CEBPZ: variants seen among roughly 807,000 people sequenced by gnomAD.
The protein encoded by CEBPZ is CCAAT/enhancer-binding protein zeta.
CEBPZ carries 78 observed loss-of-function variants against 104.5 expected under a neutral mutation model. That is an observed-to-expected ratio of 0.75 (90% CI 0.62 to 0.90). The LOEUF (loss-of-function observed/expected upper bound fraction) is 0.90, where lower values mean the gene tolerates loss of function less well. CEBPZ is among the 40% of genes least tolerant of loss of function. CEBPZ has a pLI of 0.00. For synonymous variants in CEBPZ, 470 were observed against 427.0 expected (o/e 1.10, Z -1.24); for missense variants, 1,439 against 1,233.5 (o/e 1.17, Z -2.50).
At chr2:37,210,963 C>T (rs1677702438) in intron 13 of CEBPZ, 36 bp downstream of exon 13, 2 of 1,458,936 alleles carry the variant, frequency 1.4e-6, no homozygotes, top group Admixed American at 1.8e-5. Context: ...TTCACATGGA[C>T]ACTGCTTTTA....
In CEBPZ at chr2:37,227,672, C is replaced by G. The variant is rs772610911; in HGVS notation, c.1521G>C (p.Gln507His). The change falls in exon 2 of 16, where the codon CAG becomes CAC. Residue 507 changes from glutamine to histidine, a missense_variant. Gln to His is a conservative substitution (Grantham distance 24, BLOSUM62 0). Transcript: ENST00000234170. Reference sequence around the variant, plus strand: ...GCAACACTTTAAACAGTGTGTCAATCTGCTCCCTTACTTTGTCATCACCAG... The same window carrying G: ...GCAACACTTTAAACAGTGTGTCAATGTGCTCCCTTACTTTGTCATCACCAG... ...SQTGDDKVRE[Q>H]IDTLFKVLHI... 6.2e-7 allele frequency: 1 copy of G among 1,614,200 alleles called. No homozygotes were observed. Among genetic ancestry groups the G allele is most frequent in the African/African-American group, 1.3e-5 (1 of 75,048 alleles).
At position 37,211,223 on chromosome 2, in the gene CEBPZ, A is replaced by G. The variant is rs1397138587; in HGVS notation, c.2801-141T>C. ...ATGTGGGTTTTGTAATTCCACTAGC[A>G]TAGGCTTGAGGACAGACTGAGAAAA... On this transcript the variant is annotated intron_variant, in intron 12 of 15. Coordinates refer to ENST00000234170, the MANE Select transcript of CEBPZ (RefSeq NM_005760.3). The G allele has an allele frequency of 5.6e-6, 3 of 535,240 alleles. No individual in the cohort carries two copies. The Admixed American group carries it at 1.1e-4, about 19-fold the overall frequency. 33.2% of individuals were successfully genotyped at this position (535,240 alleles called of 1,614,324 possible).
At position 37,220,564 on chromosome 2, in the gene CEBPZ, A is replaced by G. The variant is rs550296381; in HGVS notation, c.2066-91T>C. The G allele has an allele frequency of 4.4e-4, 242 of 552,942 alleles. 1 individual carries two copies. The highest frequency in any genetic ancestry group is 7.0e-4 in the Middle Eastern group (2 of 2,844). The allele number at this position is 552,942 out of a possible 1,614,324, so 34.3% of individuals were successfully genotyped here. ...GCACCACCATTAATATTCTCAACAGATATCTCCAACATTCTTACTTAGCCA... is the reference window on the plus strand; with the variant it reads ...GCACCACCATTAATATTCTCAACAGGTATCTCCAACATTCTTACTTAGCCA... On this transcript the variant is annotated intron_variant, in intron 4 of 15. Transcript: ENST00000234170.
intron 2 of CEBPZ, 22 bp downstream of exon 2, chr2:37,227,520 CAT>C (rs1395063295): frequency 1.3e-6 from 2 of 1,560,416 alleles, no homozygotes; most frequent in Non-Finnish European, 1.7e-6. Flanking sequence ...TTTCATGTCT[CAT>C]ATTGGAAGGG....
intron 4 of CEBPZ, among the ~76,000 whole-genome samples, chr2:37,221,484 T>G (rs1410519707): frequency 6.6e-6 from 1 of 152,230 alleles, no homozygotes. Context: ...CTTCAAATAT[T>G]TGTCATGAAA....
chr2:37,213,835 T>A, intron 10 of CEBPZ, 29 bp downstream of exon 10: 1 of 1,468,892 alleles, frequency 6.8e-7, no homozygotes, highest in African/African-American at 1.4e-5. Context: ...TAGTAGATTA[T>A]TTTACAAAGA....
chr2:37,202,699 ATAAAAT>A, intron 15 of CEBPZ, 79 bp downstream of exon 15: 1 of 277,782 alleles, frequency 3.6e-6, no homozygotes, highest in South Asian at 5.9e-5. Flanking sequence ...AAAAGAATAA[ATAAAAT>A]AACGAAAATT....
intron 9 of CEBPZ, among the ~76,000 whole-genome samples, chr2:37,214,400 G>T (rs1677819528): frequency 6.6e-6 from 1 of 152,094 alleles, no homozygotes; most frequent in South Asian, 2.1e-4. Context: ...ACAGTGCACT[G>T]AATCCATTCT....
chr2:37,211,229 T>C (rs1677711221), intron 12 of CEBPZ, 147 bp from the exon 13 acceptor site: 1 of 488,646 alleles, frequency 2.0e-6, no homozygotes, highest in South Asian at 4.0e-5. Context: ...TAGCATAGGC[T>C]TGAGGACAGA....
chr2:37,222,639 TG>T lies in CEBPZ; in HGVS notation c.1882-77del, dbSNP rs1646431430. ...ATAAAGTCTGTGCTCCATTATGTGA[TG>T]CAGAGTTTTACTTATTGCAACTCTG... is the stretch of plus-strand genomic sequence containing the variant. On this transcript the variant is annotated intron_variant, in intron 3 of 15. Coordinates refer to ENST00000234170, the MANE Select transcript of CEBPZ (RefSeq NM_005760.3). The T allele has an allele frequency of 9.4e-6, 10 of 1,064,646 alleles. No individual in the cohort carries two copies. In the South Asian group the frequency reaches 1.5e-4, roughly 16 times the overall value. The allele number at this position is 1,064,646 out of a possible 1,614,324, so 65.9% of individuals were successfully genotyped here. A position where few individuals can be genotyped will look rare whatever the true frequency, so the allele number is the denominator to read the frequency against.
At chr2:37,208,563 G>A (rs572991466) in intron 13 of CEBPZ, among the ~76,000 whole-genome samples, 18 of 152,092 alleles carry the variant, frequency 1.2e-4, no homozygotes, top group South Asian at 6.2e-4. Flanking sequence ...CTCAATAGAC[G>A]CAGAAAAAGC....
At position 37,228,878 on chromosome 2, in the gene CEBPZ, ATCT is replaced by A. The variant is rs1384728730; in HGVS notation, c.312_314del (p.Glu104del). ...TGGAATTTTCTTTTTCAGCTGGTTC[ATCT>A]TCTTCAACTAAGGAAGCTTTTGTAT... On this transcript the variant is annotated inframe_deletion, in exon 2 of 16. Coordinates refer to ENST00000234170, the MANE Select transcript of CEBPZ (RefSeq NM_005760.3). 6.9e-6 allele frequency: 11 copies of A among 1,604,952 alleles called. No individual in the cohort carries two copies. The highest frequency in any genetic ancestry group is 2.3e-5 in the South Asian group (2 of 87,720).
chr2:37,216,729 G>C (rs1460962221), intron 6 of CEBPZ, among the ~76,000 whole-genome samples: 1 of 152,196 alleles, frequency 6.6e-6, no homozygotes, highest in Admixed American at 6.5e-5. Context: ...AAGTGAGGCA[G>C]TATTTCTCCA....
chr2:37,207,285 T>C (rs1168044320), intron 13 of CEBPZ, among the ~76,000 whole-genome samples: 3 of 152,156 alleles, frequency 2.0e-5, no homozygotes, highest in Non-Finnish European at 4.4e-5. Flanking sequence ...ACTTAAACTA[T>C]ACCTTAGAAC....
In CEBPZ at chr2:37,203,014, A is replaced by C; in HGVS notation, c.2885-6T>G. ...TCTTTTCTTTTTTCTTGGCCCTAAA[A>C]AAAATTGTAAGTCTACATTATTCAA... On this transcript the variant is annotated splice_polypyrimidine_tract_variant and splice_region_variant and intron_variant, in intron 13 of 15. Transcript: ENST00000234170. 6.5e-7 allele frequency: 1 copy of C among 1,528,158 alleles called. No individual in the cohort carries two copies. Among genetic ancestry groups the C allele is most frequent in the Admixed American group, 2.2e-5 (1 of 46,116 alleles). The allele number at this position is 1,528,158 out of a possible 1,614,324, so 94.7% of individuals were successfully genotyped here. A position where few individuals can be genotyped will look rare whatever the true frequency, so the allele number is the denominator to read the frequency against.
rs1191183088 is a variant in CEBPZ, at chr2:37,228,122, T to C, written c.1071A>G (p.Thr357=). The C allele has an allele frequency of 3.7e-6, 6 of 1,614,232 alleles. No individual in the cohort carries two copies. The South Asian group carries it at 4.4e-5, about 12-fold the overall frequency. ...GGGCTCGAGTTTTAGTGGTTACTAA[T>C]GTATCATGACTTAAAGTTTCTAAGA... ...VQVLETLSHD[T]LVTTKTRALT... is the part of the protein sequence containing the mutation. Residue 357 remains threonine (T), a synonymous_variant, in exon 2 of 16, where the codon ACA becomes ACG. Transcript: ENST00000234170.
chr2:37,202,605 A>C (rs1023027630), intron 15 of CEBPZ, 179 bp downstream of exon 15: 1 of 438,442 alleles, frequency 2.3e-6, no homozygotes, highest in Non-Finnish European at 4.0e-6. Flanking sequence ...AGATCATGCC[A>C]CTGCATTCCA....
At chr2:37,218,334 T>C (rs1664687962) in intron 5 of CEBPZ, among the ~76,000 whole-genome samples, 1 of 152,048 alleles carries the variant, frequency 6.6e-6, no homozygotes, top group South Asian at 2.1e-4. Flanking sequence ...TAGCGAGTAG[T>C]ATTACTTTAC....
At position 37,226,869 on chromosome 2, in the gene CEBPZ, T is replaced by G. The variant is rs191992493; in HGVS notation, c.1649+675A>C. On this transcript the variant is annotated intron_variant, in intron 2 of 15. Transcript: ENST00000234170. ...AAAATATGATGCCTCAATGGGTGAGTTGCAAAATTCAGTAAAGAAAATCTT... is the reference window on the plus strand; with the variant it reads ...AAAATATGATGCCTCAATGGGTGAGGTGCAAAATTCAGTAAAGAAAATCTT... Among the ~76,000 whole-genome samples the G allele has an allele frequency of 1.5e-3, 221 of 151,958 alleles. 1 individual carries two copies. Among genetic ancestry groups the G allele is most frequent in the African/African-American group, 5.0e-3 (209 of 41,418 alleles).
Sources: allele counts gnomAD v4.1 joint callset (sites outside exome capture counted in the v4.1 genomes callset), GRCh38; gene constraint gnomAD v4.1.1; transcripts MANE v1.5; gene names NCBI Gene and HGNC (gene_info 2026-07-23, HGNC 2026-07-21).